Variants in TACC1 observed in about 807,000 individuals in gnomAD.
The protein encoded by TACC1 is transforming acidic coiled-coil-containing protein 1.
Under a neutral mutation model 84.4 loss-of-function variants are expected in TACC1, and 48 were observed. The ratio of observed to expected loss-of-function variants is 0.57; its 90% CI spans 0.45 to 0.72. TACC1 has a LOEUF of 0.72. TACC1 is among the 30% of genes least tolerant of loss of function. TACC1 has a pLI of 0.00. For missense variants in TACC1, 920 were observed against 973.0 expected, an observed-to-expected ratio of 0.95 and a Z score of 0.72; for synonymous variants, 372 against 376.3, an observed-to-expected ratio of 0.99 and a Z score of 0.13.
chr8:38,757,842 G>A (rs907868535), intron 3 of TACC1, among the ~76,000 whole-genome samples: 2 of 152,176 alleles, frequency 1.3e-5, no homozygotes, highest in African/African-American at 2.4e-5. Context: ...GAATTTTGAC[G>A]CAGTGCTTGC....
chr8:38,740,501 A>G (rs1258555605), intron 1 of TACC1, among the ~76,000 whole-genome samples: 2 of 152,220 alleles, frequency 1.3e-5, no homozygotes, highest in African/African-American at 4.8e-5. Context: ...AATGCTCAAG[A>G]AAGTGGTTAC....
In TACC1 at chr8:38,788,552, G is replaced by T. The variant is rs548730017; in HGVS notation, c.162-152G>T. 11 of 598,168 alleles carry T rather than the reference G, an allele frequency of 1.8e-5. No homozygotes were observed. In the African/African-American group the frequency reaches 1.9e-4, roughly 10 times the overall value. The allele number at this position is 598,168 out of a possible 1,614,324, so 37.1% of individuals were successfully genotyped here. ...AGGAGGGCACTGCTCAGAGACCGCA[G>T]TTGCCTCCCGCAGGTCAGACCCTGC... On this transcript the variant is annotated intron_variant, in intron 1 of 12. Coordinates refer to ENST00000317827, the MANE Select transcript of TACC1 (RefSeq NM_006283.3).
Position 38,848,637 on chromosome 8 carries a change from C to G in TACC1, c.*614C>G, listed in dbSNP as rs1366182735. 6.6e-5 allele frequency: 10 copies of G among 152,568 alleles called. No homozygotes were observed. The highest frequency in any genetic ancestry group is 1.5e-5 in the Non-Finnish European group (1 of 68,042). 9.5% of individuals were successfully genotyped at this position (152,568 alleles called of 1,614,324 possible). ...GGACATATTTCCTTGGATGTGAGACCCTATTTTGAAATAGAGTCCTGACTC... is the reference window on the plus strand; with the variant it reads ...GGACATATTTCCTTGGATGTGAGACGCTATTTTGAAATAGAGTCCTGACTC... On this transcript the variant is annotated 3_prime_UTR_variant, in exon 13 of 13. Coordinates refer to ENST00000317827, the MANE Select transcript of TACC1 (RefSeq NM_006283.3).
At chr8:38,735,977 C>A (rs1040157177) in intron 1 of TACC1, among the ~76,000 whole-genome samples, 3 of 152,174 alleles carry the variant, frequency 2.0e-5, no homozygotes, top group African/African-American at 4.8e-5. Flanking sequence ...CATTCTCTCC[C>A]AGTTCTGGAG....
At chr8:38,818,444 A>C (rs1008547542) in intron 2 of TACC1, among the ~76,000 whole-genome samples, 2 of 152,196 alleles carry the variant, frequency 1.3e-5, no homozygotes, top group Non-Finnish European at 2.9e-5. Context: ...AAATTACCTC[A>C]TTCACACCTT....
intron 3 of TACC1, among the ~76,000 whole-genome samples, chr8:38,769,495 ATGTGGTGTGTGTG>A (rs1813054539): frequency 2.8e-5 from 1 of 36,228 alleles, no homozygotes; most frequent in African/African-American, 1.1e-4. Context: ...GGGTGAGGGT[ATGTGGTGTGTGTG>A]TGTGGTGTGT....
Position 38,842,275 on chromosome 8 carries a change from T to C in TACC1, c.1961-12T>C. ...AATAAATATGTCATTCCTTTTGACT[T>C]GTGATTCCCAGAAGATGAACAAAGG... On this transcript the variant is annotated splice_polypyrimidine_tract_variant and intron_variant, in intron 9 of 12. Coordinates refer to ENST00000317827, the MANE Select transcript of TACC1 (RefSeq NM_006283.3). 1 of 1,604,666 alleles carries C rather than the reference T, an allele frequency of 6.2e-7. No individual in the cohort carries two copies. The highest frequency in any genetic ancestry group is 8.5e-7 in the Non-Finnish European group (1 of 1,177,472).
At chr8:38,731,360 C>T (rs1804888402) in intron 1 of TACC1, among the ~76,000 whole-genome samples, 1 of 152,184 alleles carries the variant, frequency 6.6e-6, no homozygotes, top group South Asian at 2.1e-4. Context: ...CTGTGTGCCT[C>T]AGTTTCTTCA....
chr8:38,825,280 G>A, intron 3 of TACC1, 28 bp from the exon 4 acceptor site: 1 of 1,613,632 alleles, frequency 6.2e-7, no homozygotes, highest in Non-Finnish European at 8.5e-7. Flanking sequence ...ATTGCAAACT[G>A]GCTTGTTTGT....
chr8:38,770,115 G>A (rs770918762), intron 3 of TACC1, among the ~76,000 whole-genome samples: 16 of 151,912 alleles, frequency 1.1e-4, no homozygotes, highest in Non-Finnish European at 1.5e-4. Flanking sequence ...TGCGCTGCCG[G>A]CTCTGGCTCT....
In TACC1 at chr8:38,812,187, C is replaced by T. The variant is rs183170702; in HGVS notation, c.278-7335C>T. Among the ~76,000 whole-genome samples the T allele has an allele frequency of 3.9e-5, 6 of 152,288 alleles. No homozygotes were observed. In the East Asian group the frequency reaches 1.2e-3, roughly 29 times the overall value. On this transcript the variant is annotated intron_variant, in intron 2 of 12. Transcript: ENST00000317827. ...ATATGTGCATAGCTGAACATAGACT[C>T]TCATCAGTAATTCTAATTTTGCCGT... is the stretch of plus-strand genomic sequence containing the variant.
chr8:38,831,908 G>A (rs2152283243), intron 6 of TACC1, among the ~76,000 whole-genome samples: 1 of 152,034 alleles, frequency 6.6e-6, no homozygotes, highest in East Asian at 1.9e-4. Flanking sequence ...CTGGGTTCAA[G>A]CAGTTCTCCT....
exon 3 of TACC1, chr8:38,745,292 T>C (rs1349745518): frequency 5.8e-6 from 3 of 514,534 alleles, no homozygotes; most frequent in Non-Finnish European, 6.9e-6. Context: ...AGCAAGAAAA[T>C]TACCTGCAAA....
At chr8:38,756,710 C>A (rs187607582) in intron 3 of TACC1, among the ~76,000 whole-genome samples, 3 of 152,338 alleles carry the variant, frequency 2.0e-5, no homozygotes, top group African/African-American at 7.2e-5. Flanking sequence ...ATAACTTGTT[C>A]CAAGTTACTC....
chr8:38,813,124 T>C (rs16887773), intron 2 of TACC1, among the ~76,000 whole-genome samples: 3,610 of 152,346 alleles, frequency 0.024, 129 homozygotes, highest in African/African-American at 0.075. Flanking sequence ...GACTCTATCA[T>C]GTTTCTTAGT....
chr8:38,838,983 ACCTCCTGGGATCAACTGAT>A (rs567961125), intron 8 of TACC1, among the ~76,000 whole-genome samples: 1 of 151,892 alleles, frequency 6.6e-6, no homozygotes, highest in South Asian at 2.1e-4. Flanking sequence ...TGCAGCCTCA[ACCTCCTGGGATCAACTGAT>A]CCTCTCCCCT....
chr8:38,827,627 T>A, intron 5 of TACC1: 2 of 508,828 alleles, frequency 3.9e-6, no homozygotes, highest in Non-Finnish European at 7.1e-6. Context: ...CTTGAATTTC[T>A]TTATAATTTT....
At chr8:38,840,101 G>T in intron 8 of TACC1, 123 bp from the exon 9 acceptor site, 3 of 472,328 alleles carry the variant, frequency 6.4e-6, no homozygotes, top group Non-Finnish European at 1.1e-5. Context: ...CCCCAAAGCA[G>T]ATAAATGGAT....
intron 2 of TACC1, among the ~76,000 whole-genome samples, chr8:38,796,662 C>G (rs1458559606): frequency 6.6e-6 from 1 of 152,184 alleles, no homozygotes; most frequent in Non-Finnish European, 1.5e-5. Context: ...TCCTCAATGC[C>G]TAGCTTCAGC....
Sources: allele counts gnomAD v4.1 joint callset (sites outside exome capture counted in the v4.1 genomes callset), GRCh38; gene constraint gnomAD v4.1.1; transcripts MANE v1.5; gene names NCBI Gene and HGNC (gene_info 2026-07-23, HGNC 2026-07-21).